PPP4R1: variants seen among roughly 807,000 people sequenced by gnomAD.
PPP4R1 encodes serine/threonine-protein phosphatase 4 regulatory subunit 1.
A neutral mutation model predicts 111.2 loss-of-function variants in PPP4R1; 42 were observed. The observed-to-expected ratio is 0.38, with a 90% confidence interval of 0.29 to 0.49. The LOEUF is 0.49. PPP4R1 is among the 20% of genes least tolerant of loss of function. PPP4R1 has a pLI of 0.97. For missense variants in PPP4R1, 1,012 were observed against 1,161.6 expected, an observed-to-expected ratio of 0.87 and a Z score of 1.87; for synonymous variants, 409 against 405.5, an observed-to-expected ratio of 1.01 and a Z score of -0.10.
At chr18:9,560,862 C>T (rs1455616276) in intron 13 of PPP4R1, among the ~76,000 whole-genome samples, 1 of 149,378 alleles carries the variant, frequency 6.7e-6, no homozygotes, top group African/African-American at 2.5e-5. Context: ...GACCCCATCT[C>T]TAACAACAAT....
At chr18:9,564,731 TGTGTGTGGGG>T (rs758598821) in intron 11 of PPP4R1, among the ~76,000 whole-genome samples, 1,510 of 55,850 alleles carry the variant, frequency 0.027, 31 homozygotes, top group African/African-American at 0.083. Flanking sequence ...TGTGTGTGTG[TGTGTGTGGGG>T]GTATCATCCC....
intron 2 of PPP4R1, among the ~76,000 whole-genome samples, chr18:9,613,038 G>A (rs2067609273): frequency 6.6e-6 from 1 of 152,202 alleles, no homozygotes; most frequent in African/African-American, 2.4e-5. Context: ...ATTAACTACA[G>A]AGTATTTAAA....
chr18:9,562,108 T>C, intron 12 of PPP4R1, 33 bp from the exon 13 acceptor site: 2 of 1,500,218 alleles, frequency 1.3e-6, no homozygotes, highest in Middle Eastern at 1.8e-4. Flanking sequence ...TAAAGAGCTG[T>C]CCTGTCTGTA....
intron 2 of PPP4R1, 80 bp from the exon 3 acceptor site, chr18:9,595,233 C>G (rs1218364131): frequency 2.1e-6 from 3 of 1,425,298 alleles, no homozygotes; most frequent in Non-Finnish European, 2.8e-6. Flanking sequence ...CAGTACAAAT[C>G]TGTTTCTGGA....
chr18:9,595,055 A>G lies in PPP4R1; in HGVS notation c.151T>C (p.Leu51=). ...QDEMLTPLGR[L]DKYAASENIF... The stretch of plus-strand genomic sequence containing the variant: ...TTCTCACTTGCAGCATACTTGTCCA[A>G]TCTCCCCAGGGGCGTCAACATTTCA... Residue 51 remains leucine, a synonymous_variant, in exon 3 of 20, where the codon TTG becomes CTG. Coordinates refer to ENST00000400556, the MANE Select transcript of PPP4R1 (RefSeq NM_001042388.3). 2 of 1,614,008 alleles carry G rather than the reference A, an allele frequency of 1.2e-6. No homozygotes were observed. Among genetic ancestry groups the G allele is most frequent in the Non-Finnish European group, 1.7e-6 (2 of 1,179,960 alleles).
intron 12 of PPP4R1, among the ~76,000 whole-genome samples, 156 bp from the exon 13 acceptor site, chr18:9,562,231 C>T (rs1026684834): frequency 6.6e-6 from 1 of 152,170 alleles, no homozygotes; most frequent in South Asian, 2.1e-4. Context: ...TAAGAACCTA[C>T]CCTACTTTAA....
upstream of PPP4R1, chr18:9,615,193 C>A (rs956413783): frequency 6.6e-6 from 1 of 152,280 alleles, no homozygotes; most frequent in Non-Finnish European, 1.5e-5. Context: ...CCTGCCTAGC[C>A]AGCTTCCTCG....
chr18:9,570,629 A>C lies in PPP4R1; in HGVS notation c.1101T>G (p.Pro367=), dbSNP rs1433414436. 3 of 1,613,022 alleles carry C rather than the reference A, an allele frequency of 1.9e-6. No homozygotes were observed. The highest frequency in any genetic ancestry group is 3.3e-5 in the Admixed American group (2 of 59,900). The part of the protein sequence containing the change: ...EDVQVRPEDT[P]SDLSVSNSSV... The stretch of plus-strand genomic sequence containing the variant: ...TGGAATTACTAACACTGAGATCTGA[A>C]GGAGTATCCTCTGGCCTGACTTGTA... Residue 367 remains proline (P), a synonymous_variant, in exon 11 of 20, where the codon CCT becomes CCG. Transcript: ENST00000400556.
intron 2 of PPP4R1, among the ~76,000 whole-genome samples, chr18:9,611,843 C>T (rs1296884379): frequency 6.6e-6 from 1 of 151,628 alleles, no homozygotes; most frequent in Non-Finnish European, 1.5e-5. Context: ...GAAACCCCGT[C>T]TCTACTAAAA....
chr18:9,548,249 C>T (rs1415725485), intron 19 of PPP4R1, among the ~76,000 whole-genome samples: 5 of 139,532 alleles, frequency 3.6e-5, no homozygotes, highest in Non-Finnish European at 7.8e-5. Flanking sequence ...CATTAAGTAG[C>T]AGTGAAAGAA....
chr18:9,598,699 G>C (rs879555806), intron 2 of PPP4R1, among the ~76,000 whole-genome samples: 2 of 152,066 alleles, frequency 1.3e-5, no homozygotes, highest in East Asian at 1.9e-4. Flanking sequence ...TGAGAATCTG[G>C]ATCTATACAG....
intron 10 of PPP4R1, among the ~76,000 whole-genome samples, chr18:9,575,572 T>C (rs1222222504): frequency 6.6e-6 from 1 of 152,214 alleles, no homozygotes; most frequent in Non-Finnish European, 1.5e-5. Flanking sequence ...TAGTATTGCC[T>C]GGACATTAAG....
At chr18:9,606,916 T>G (rs1188735391) in intron 2 of PPP4R1, among the ~76,000 whole-genome samples, 2 of 152,224 alleles carry the variant, frequency 1.3e-5, no homozygotes, top group Non-Finnish European at 2.9e-5. Flanking sequence ...ACGCAATTAC[T>G]TTGGTAGTAA....
chr18:9,586,077 G>GTA (rs1390481478), intron 6 of PPP4R1, among the ~76,000 whole-genome samples: 10 of 151,698 alleles, frequency 6.6e-5, no homozygotes, highest in African/African-American at 2.4e-4. Flanking sequence ...AAGTTATGCT[G>GTA]TATATCACTG....
intron 2 of PPP4R1, among the ~76,000 whole-genome samples, chr18:9,603,905 G>C (rs915566677): frequency 2.6e-5 from 4 of 151,994 alleles, no homozygotes; most frequent in African/African-American, 9.7e-5. Context: ...AATGAAAAGA[G>C]ATAAAGAAAA....
chr18:9,553,259 A>ATG, intron 16 of PPP4R1, 63 bp downstream of exon 16: 4 of 1,288,618 alleles, frequency 3.1e-6, no homozygotes, highest in Non-Finnish European at 4.4e-6. Context: ...AACTGAGAAA[A>ATG]TGTAAAAATG....
intron 2 of PPP4R1, among the ~76,000 whole-genome samples, chr18:9,604,838 A>T (rs1018081122): frequency 6.6e-6 from 1 of 152,186 alleles, no homozygotes; most frequent in African/African-American, 2.4e-5. Context: ...AATGCTTCTC[A>T]TGGAGGCACA....
chr18:9,584,413 G>T, intron 8 of PPP4R1, 102 bp downstream of exon 8: 2 of 965,948 alleles, frequency 2.1e-6, no homozygotes, highest in Non-Finnish European at 2.9e-6. Context: ...TTATATTCAT[G>T]GAATTGTGTT....
intron 10 of PPP4R1, among the ~76,000 whole-genome samples, chr18:9,576,201 TC>T (rs1414791548): frequency 6.6e-6 from 1 of 152,002 alleles, no homozygotes; most frequent in Non-Finnish European, 1.5e-5. Context: ...TAGCACAGTA[TC>T]AAGACCTACA....
Sources: allele counts gnomAD v4.1 joint callset (sites outside exome capture counted in the v4.1 genomes callset), GRCh38; gene constraint gnomAD v4.1.1; transcripts MANE v1.5; gene names NCBI Gene and HGNC (gene_info 2026-07-23, HGNC 2026-07-21).